Variants in RANBP9 observed in about 807,000 individuals in gnomAD.
The protein encoded by RANBP9 is RAN binding protein 9.
Under a neutral mutation model 84.3 loss-of-function variants are expected in RANBP9, and 15 were observed. That is an observed-to-expected ratio of 0.18 (90% confidence interval 0.12 to 0.27). RANBP9 has a LOEUF of 0.27. RANBP9 is among the 10% of genes least tolerant of loss of function. The pLI is 1.00. For missense variants in RANBP9, 809 were observed against 912.8 expected (o/e 0.89, Z 1.46); for synonymous variants, 392 against 349.6 (o/e 1.12, Z -1.35).
At chr6:13,697,305 T>C (rs1054730857) in intron 1 of RANBP9, among the ~76,000 whole-genome samples, 11 of 152,226 alleles carry the variant, frequency 7.2e-5, no homozygotes, top group African/African-American at 2.7e-4. Context: ...CTTGCCAAAG[T>C]CCTGGCTCTT....
chr6:13,676,648 A>T (rs1292794757), intron 2 of RANBP9, among the ~76,000 whole-genome samples: 2 of 152,100 alleles, frequency 1.3e-5, no homozygotes, highest in African/African-American at 2.4e-5. Flanking sequence ...TTAAAATTTT[A>T]AAAAAAGAAC....
chr6:13,711,136 C>T lies in RANBP9; in HGVS notation c.370G>A (p.Val124Met). The T allele has an allele frequency of 6.5e-7, 1 of 1,538,408 alleles. No homozygotes were observed. Residue 124 changes from valine to methionine, a missense_variant, in exon 1 of 14, where the codon GTG (valine) becomes ATG (methionine). This residue lies in a region of RANBP9 where 302 missense variants were observed against 240.1 expected (regional missense o/e 1.26). Transcript: ENST00000011619. ...GGGGCCGCGGCGCTGCTGCCCGCCA[C>T]CAGAGCTGGGGTCGGGGCTCCTCCA... is the stretch of plus-strand genomic sequence containing the variant. The part of the protein sequence containing the change: ...PAGGAPTPAL[V>M]AGSSAAAPFP...
intron 7 of RANBP9, among the ~76,000 whole-genome samples, chr6:13,641,515 AT>A (rs60315436): frequency 0.19 from 28,292 of 151,304 alleles, 2,883 homozygotes; most frequent in African/African-American, 0.25. Context: ...ACGGTCACAA[AT>A]TTTTTTTTTA....
intron 12 of RANBP9, among the ~76,000 whole-genome samples, chr6:13,629,118 T>G (rs75879684): frequency 1.0e-5 from 1 of 97,124 alleles, no homozygotes; most frequent in South Asian, 3.3e-4. Flanking sequence ...ATTGAGCCTT[T>G]TTGTTTTTTT....
At position 13,711,355 on chromosome 6, in the gene RANBP9, G is replaced by C. The variant is rs903249076; in HGVS notation, c.151C>G (p.Pro51Ala). The C allele has an allele frequency of 7.8e-6, 9 of 1,148,342 alleles. No homozygotes were observed. The highest frequency in any genetic ancestry group is 8.6e-6 in the Non-Finnish European group (8 of 934,864). 71.1% of individuals were successfully genotyped at this position (1,148,342 alleles called of 1,614,324 possible). Residue 51 changes from proline (P) to alanine (A), a missense_variant, in exon 1 of 14, where the codon CCC (proline) becomes GCC (alanine). By Grantham distance (27) the Pro-to-Ala change is conservative (BLOSUM62 -1). Coordinates refer to ENST00000011619, the MANE Select transcript of RANBP9 (RefSeq NM_005493.3). ...CCTTCGCCGCCCGCACCGCCGCCGG[G>C]CGAGCCGGCCGGAGAAGAGCCGGCG... ...VSAGSSPAGS[P>A]GGGAGGEGLG... is the part of the protein sequence containing the mutation.
intron 7 of RANBP9, among the ~76,000 whole-genome samples, chr6:13,641,575 T>C (rs967258758): frequency 6.6e-6 from 1 of 152,042 alleles, no homozygotes; most frequent in African/African-American, 2.4e-5. Context: ...TTATGCAATA[T>C]TGAAGTTTCA....
Position 13,710,930 on chromosome 6 carries a change from A to C in RANBP9, c.571+5T>G. 6.2e-7 allele frequency: 1 copy of C among 1,601,834 alleles called. No homozygotes were observed. Among genetic ancestry groups the C allele is most frequent in the Non-Finnish European group, 8.5e-7 (1 of 1,174,766 alleles). ...CACTCCCACCGCAGGACACACGCCC[A>C]GTACCTTTGTAGTGCACCCGCAGGT... On this transcript the variant is annotated splice_donor_5th_base_variant and intron_variant, in intron 1 of 13. Transcript: ENST00000011619.
intron 5 of RANBP9, among the ~76,000 whole-genome samples, chr6:13,647,165 C>G (rs993685001): frequency 8.6e-5 from 13 of 152,046 alleles, no homozygotes; most frequent in Admixed American, 5.9e-4. Flanking sequence ...AGAGTGTATT[C>G]CTACAAAAAT....
intron 1 of RANBP9, among the ~76,000 whole-genome samples, chr6:13,708,464 C>T (rs893426782): frequency 1.3e-5 from 2 of 151,898 alleles, no homozygotes; most frequent in Admixed American, 6.6e-5. Context: ...CAACAAAAAA[C>T]CAGAATACCT....
At chr6:13,634,573 C>G in intron 10 of RANBP9, 21 bp from the exon 11 acceptor site, 1 of 1,582,476 alleles carries the variant, frequency 6.3e-7, no homozygotes, top group Non-Finnish European at 8.6e-7. Flanking sequence ...AAAAACAAAC[C>G]TAATTTTAGA....
At chr6:13,671,520 GTTAA>G (rs1292678197) in intron 2 of RANBP9, among the ~76,000 whole-genome samples, 2 of 152,096 alleles carry the variant, frequency 1.3e-5, no homozygotes, top group African/African-American at 4.8e-5. Context: ...TTTAAAACAT[GTTAA>G]GATAAAGAAG....
At chr6:13,686,103 C>A (rs1241788199) in intron 2 of RANBP9, among the ~76,000 whole-genome samples, 1 of 4,110 alleles carries the variant, frequency 2.4e-4, no homozygotes, top group Non-Finnish European at 9.6e-4. Context: ...AATTTCTTCC[C>A]CCCCCCCCCC....
chr6:13,676,146 T>C (rs1483945609), intron 2 of RANBP9, among the ~76,000 whole-genome samples: 1 of 152,056 alleles, frequency 6.6e-6, no homozygotes, highest in Non-Finnish European at 1.5e-5. Context: ...TTAAATAAAA[T>C]TCAAGAATAT....
At chr6:13,626,709 T>G (rs956105314) in intron 12 of RANBP9, among the ~76,000 whole-genome samples, 2 of 152,216 alleles carry the variant, frequency 1.3e-5, no homozygotes, top group Non-Finnish European at 2.9e-5. Flanking sequence ...TGTCAATTTG[T>G]GAGTTCAGGA....
intron 11 of RANBP9, among the ~76,000 whole-genome samples, chr6:13,633,263 T>C (rs1365040123): frequency 6.6e-6 from 1 of 152,162 alleles, no homozygotes; most frequent in East Asian, 1.9e-4. Flanking sequence ...CTCAAACTCC[T>C]GACCTTGTGA....
At chr6:13,703,071 G>T (rs1758014868) in intron 1 of RANBP9, among the ~76,000 whole-genome samples, 1 of 152,170 alleles carries the variant, frequency 6.6e-6, no homozygotes, top group African/African-American at 2.4e-5. Flanking sequence ...AAAATGCAGT[G>T]GCATGATCAC....
At chr6:13,683,068 A>G (rs777455069) in intron 2 of RANBP9, among the ~76,000 whole-genome samples, 1 of 152,240 alleles carries the variant, frequency 6.6e-6, no homozygotes, top group Non-Finnish European at 1.5e-5. Flanking sequence ...ACAAAGAATC[A>G]CTGGGATGAA....
chr6:13,705,421 A>AAG (rs1758082206), intron 1 of RANBP9, among the ~76,000 whole-genome samples: 1 of 150,480 alleles, frequency 6.6e-6, no homozygotes, highest in Non-Finnish European at 1.5e-5. Context: ...AAAAAAAAAA[A>AAG]AAAAAAAAAA....
chr6:13,639,976 C>T (rs1765026811), intron 8 of RANBP9, among the ~76,000 whole-genome samples: 1 of 151,874 alleles, frequency 6.6e-6, no homozygotes, highest in Admixed American at 6.6e-5. Flanking sequence ...ATAATATTAC[C>T]CCCTTTAATC....
Sources: allele counts gnomAD v4.1 joint callset (sites outside exome capture counted in the v4.1 genomes callset), GRCh38; gene constraint gnomAD v4.1.1; regional missense constraint gnomAD v4.1.1; transcripts MANE v1.5; gene names NCBI Gene and HGNC (gene_info 2026-07-23, HGNC 2026-07-21).